Variants in HNRNPH3 observed in about 807,000 individuals in gnomAD.
HNRNPH3 encodes heterogeneous nuclear ribonucleoprotein H3, also known as heterogeneous nuclear ribonucleoprotein 2H9.
HNRNPH3 carries 7 observed loss-of-function variants against 47.0 expected under a neutral mutation model. The ratio of observed to expected loss-of-function variants is 0.15; its 90% confidence interval spans 0.08 to 0.28. HNRNPH3 has a LOEUF of 0.28. Among genes scored for constraint, HNRNPH3 ranks in the 10% least tolerant of loss-of-function variants. HNRNPH3 has a pLI of 1.00. For missense variants in HNRNPH3, 279 were observed against 449.6 expected, an observed-to-expected ratio of 0.62 and a Z score of 3.43; for synonymous variants, 120 against 143.2, an observed-to-expected ratio of 0.84 and a Z score of 1.16.
At chr10:68,334,035 C>T (rs2045389570) in intron 1 of HNRNPH3, among the ~76,000 whole-genome samples, 1 of 152,102 alleles carries the variant, frequency 6.6e-6, no homozygotes, top group African/African-American at 2.4e-5. Flanking sequence ...ATCTAATTGC[C>T]TTTTTAAAAT....
chr10:68,338,458 A>G (rs755255049), intron 3 of HNRNPH3, 45 bp from the exon 4 acceptor site: 1 of 1,289,932 alleles, frequency 7.8e-7, no homozygotes, highest in South Asian at 1.3e-5. Context: ...AATTTACACT[A>G]ATACATTTAT....
chr10:68,341,012 G>A (rs2045895273), intron 6 of HNRNPH3, 162 bp from the exon 7 acceptor site: 2 of 553,344 alleles, frequency 3.6e-6, no homozygotes, highest in Non-Finnish European at 6.2e-6. Context: ...TTATCCCTAA[G>A]TGTATACTCT....
chr10:68,335,026 T>G (rs1054411989), intron 1 of HNRNPH3, among the ~76,000 whole-genome samples: 6 of 152,138 alleles, frequency 3.9e-5, no homozygotes, highest in African/African-American at 7.2e-5. Flanking sequence ...TAAAATAGAT[T>G]AAGTGTTCCG....
chr10:68,341,050 T>C (rs2045898414), intron 6 of HNRNPH3, 124 bp from the exon 7 acceptor site: 1 of 632,814 alleles, frequency 1.6e-6, no homozygotes, highest in African/African-American at 1.9e-5. Flanking sequence ...TGTAGTTGAC[T>C]AAGTTATTAG....
chr10:68,339,080 A>G, intron 4 of HNRNPH3, 60 bp from the exon 5 acceptor site: 3 of 1,343,566 alleles, frequency 2.2e-6, no homozygotes, highest in Non-Finnish European at 3.1e-6. Flanking sequence ...TTTGTAAACT[A>G]AATTATAAAA....
At chr10:68,332,811 C>T (rs2045259319) in intron 1 of HNRNPH3, 1 of 152,416 alleles carries the variant, frequency 6.6e-6, no homozygotes, top group South Asian at 2.1e-4. Flanking sequence ...CGAGTGACTT[C>T]TGACGCAGAT....
At chr10:68,333,361 T>A (rs2045326677) in intron 1 of HNRNPH3, among the ~76,000 whole-genome samples, 1 of 152,206 alleles carries the variant, frequency 6.6e-6, no homozygotes. Flanking sequence ...GTTTTACTTT[T>A]GGGAAACAGT....
intron 1 of HNRNPH3, among the ~76,000 whole-genome samples, chr10:68,335,235 C>CTTTT (rs72408822): frequency 1.5e-5 from 2 of 136,762 alleles, no homozygotes; most frequent in Admixed American, 1.5e-4. Flanking sequence ...TTTTTCTTTT[C>CTTTT]TTTTTTTTTT....
chr10:68,332,863 T>C (rs2045267434), intron 1 of HNRNPH3: 1 of 152,310 alleles, frequency 6.6e-6, no homozygotes, highest in Admixed American at 6.5e-5. Context: ...GGAAAGCCAA[T>C]GGCGACGAAG....
chr10:68,338,846 G>C, intron 4 of HNRNPH3, 159 bp downstream of exon 4: 1 of 573,574 alleles, frequency 1.7e-6, no homozygotes, highest in Non-Finnish European at 2.9e-6. Flanking sequence ...GGACTTGACT[G>C]ATGCACATAT....
At position 68,341,685 on chromosome 10, in the gene HNRNPH3, GT is replaced by G. The variant is rs2045956641; in HGVS notation, c.871+6del. 9 of 1,609,186 alleles carry G rather than the reference GT, an allele frequency of 5.6e-6. No homozygotes were observed. Among genetic ancestry groups the G allele is most frequent in the Non-Finnish European group, 7.6e-6 (9 of 1,176,642 alleles). On this transcript the variant is annotated splice_donor_region_variant and intron_variant, in intron 8 of 9. Coordinates refer to ENST00000265866, the MANE Select transcript of HNRNPH3 (RefSeq NM_012207.3). ...GCTACGGAAGAGATGGAATGGGTAT[GT>G]AAAGTTTTTAAAATATGCAGGGTTA...
Position 68,337,797 on chromosome 10 carries a change from G to A in HNRNPH3, c.113-61G>A, listed in dbSNP as rs1339532430. The A allele has an allele frequency of 7.3e-7, 1 of 1,373,758 alleles. No homozygotes were observed. The highest frequency in any genetic ancestry group is 1.0e-6 in the Non-Finnish European group (1 of 994,376). 85.1% of individuals were successfully genotyped at this position (1,373,758 alleles called of 1,614,324 possible). A position where few individuals can be genotyped will look rare whatever the true frequency, so the allele number is the denominator to read the frequency against. On this transcript the variant is annotated intron_variant, in intron 2 of 9. Coordinates refer to ENST00000265866, the MANE Select transcript of HNRNPH3 (RefSeq NM_012207.3). The surrounding 1 kb of genome is among the most constrained non-coding windows in gnomAD (Gnocchi z 4.5). ...CTTGTTTTAAATATTTGATTCAGAT[G>A]GGAATGTTTCAGCCTTTAACACTGT...
chr10:68,333,257 A>G (rs1033213542), intron 1 of HNRNPH3, among the ~76,000 whole-genome samples: 4 of 118,192 alleles, frequency 3.4e-5, no homozygotes, highest in Admixed American at 2.1e-4. Flanking sequence ...CCAGTGAACT[A>G]TAATTGTTGC....
At position 68,342,164 on chromosome 10, in the gene HNRNPH3, G is replaced by A; in HGVS notation, c.*110G>A. The A allele has an allele frequency of 1.4e-6, 1 of 696,102 alleles. No homozygotes were observed. Among genetic ancestry groups the A allele is most frequent in the East Asian group, 3.0e-5 (1 of 33,000 alleles). 43.1% of individuals were successfully genotyped at this position (696,102 alleles called of 1,614,324 possible). A position where few individuals can be genotyped will look rare whatever the true frequency, so the allele number is the denominator to read the frequency against. ...AGAACTTTATAATGACTGAAGGAAT[G>A]TGTTTTCAAAATATTATTTGGTAAA... On this transcript the variant is annotated 3_prime_UTR_variant, in exon 10 of 10. Transcript: ENST00000265866.
In HNRNPH3 at chr10:68,337,353, A is replaced by C; in HGVS notation, c.112+20A>C. On this transcript the variant is annotated intron_variant, in intron 2 of 9. Transcript: ENST00000265866. The surrounding 1 kb of genome is among the most constrained non-coding windows in gnomAD (Gnocchi z 4.5). ...TTCAAGGTACCTCTAGTATTAGTCAAAGTTTAGTAGTATTGTAATTTTATA... is the reference window on the plus strand; with the variant it reads ...TTCAAGGTACCTCTAGTATTAGTCACAGTTTAGTAGTATTGTAATTTTATA... 7.7e-7 allele frequency: 1 copy of C among 1,296,930 alleles called. No individual in the cohort carries two copies. Among genetic ancestry groups the C allele is most frequent in the Non-Finnish European group, 1.1e-6 (1 of 892,682 alleles). 80.3% of individuals were successfully genotyped at this position (1,296,930 alleles called of 1,614,324 possible). A position where few individuals can be genotyped will look rare whatever the true frequency, so the allele number is the denominator to read the frequency against.
Position 68,337,969 on chromosome 10 carries a change from G to A in HNRNPH3, c.224G>A (p.Gly75Glu). 1 of 1,612,734 alleles carries A rather than the reference G, an allele frequency of 6.2e-7. No individual in the cohort carries two copies. The highest frequency in any genetic ancestry group is 8.5e-7 in the Non-Finnish European group (1 of 1,179,048). Residue 75 changes from glycine (G) to glutamate (E), a missense_variant, in exon 3 of 10, where the codon GGG (glycine) becomes GAG (glutamate). Physicochemically the swap from Gly to Glu is moderately conservative, Grantham distance 98. Transcript: ENST00000265866. This position sits in a 1 kb window ranked among gnomAD's most constrained non-coding sequence, Gnocchi z 4.5. ...ASKEIAENAL[G>E]KHKERIGHRY... ...AAGGAGATAGCAGAAAATGCTCTGG[G>A]GAAACACAAGGAAAGAATAGGGCAC...
intron 1 of HNRNPH3, among the ~76,000 whole-genome samples, chr10:68,332,605 G>A (rs1006710972): frequency 3.9e-5 from 6 of 152,202 alleles, no homozygotes; most frequent in African/African-American, 1.2e-4. Flanking sequence ...GGCCAGGGGA[G>A]GGGGTGGTCA....
At chr10:68,336,411 G>A (rs1208216023) in intron 1 of HNRNPH3, among the ~76,000 whole-genome samples, 1 of 152,106 alleles carries the variant, frequency 6.6e-6, no homozygotes, top group Non-Finnish European at 1.5e-5. Context: ...TACCTTTTAT[G>A]CTTTATTAAA....
At chr10:68,341,428 A>G (rs2045929127) in intron 7 of HNRNPH3, 119 bp downstream of exon 7, 4 of 1,138,892 alleles carry the variant, frequency 3.5e-6, no homozygotes, top group Non-Finnish European at 5.1e-6. Flanking sequence ...TTTGACCTCT[A>G]TAATGGCTTT....
Sources: allele counts gnomAD v4.1 joint callset (sites outside exome capture counted in the v4.1 genomes callset), GRCh38; gene constraint gnomAD v4.1.1; non-coding constraint Gnocchi (gnomAD v3.1); transcripts MANE v1.5; gene names NCBI Gene and HGNC (gene_info 2026-07-23, HGNC 2026-07-21).